DCDC2: variants seen among roughly 807,000 people sequenced by gnomAD.
The protein encoded by DCDC2 is doublecortin domain-containing protein 2.
In DCDC2, 40 loss-of-function variants were observed where a neutral mutation model predicts 50.2. That is an observed-to-expected ratio of 0.80 (90% CI 0.62 to 1.04). The LOEUF (loss-of-function observed/expected upper bound fraction) is 1.04. DCDC2 is among the 50% of genes least tolerant of loss of function. The probability of loss-of-function intolerance (pLI) is 0.00; values close to 1 mark genes in which losing one functional copy is unlikely to be tolerated. For synonymous variants in DCDC2, 234 were observed against 210.6 expected, an observed-to-expected ratio of 1.11 and a Z score of -0.96; for missense variants, 570 against 581.9, an observed-to-expected ratio of 0.98 and a Z score of 0.21.
intron 7 of DCDC2, among the ~76,000 whole-genome samples, chr6:24,271,224 A>AAAAAAG (rs919124775): frequency 4.2e-5 from 6 of 143,020 alleles, no homozygotes; most frequent in African/African-American, 1.6e-4. Flanking sequence ...AAAAAAAAAA[A>AAAAAAG]AGAGAGAGAG....
At chr6:24,347,690 G>T (rs941715114) in intron 2 of DCDC2, among the ~76,000 whole-genome samples, 2 of 152,172 alleles carry the variant, frequency 1.3e-5, no homozygotes, top group Non-Finnish European at 2.9e-5. Flanking sequence ...CCCTAGGACT[G>T]AGTATACTGA....
chr6:24,248,102 A>G (rs1763170026), intron 7 of DCDC2, among the ~76,000 whole-genome samples: 1 of 152,200 alleles, frequency 6.6e-6, no homozygotes, highest in South Asian at 2.1e-4. Context: ...CAAAAATAAA[A>G]AAAGAATGTT....
chr6:24,306,940 A>C (rs1759486139), intron 2 of DCDC2, among the ~76,000 whole-genome samples: 1 of 152,188 alleles, frequency 6.6e-6, no homozygotes, highest in Non-Finnish European at 1.5e-5. Flanking sequence ...TTCCTTTAAA[A>C]ACATATATTT....
At chr6:24,378,956 G>GAAAAAA in the DCDC2 span, among the ~76,000 whole-genome samples, 1 of 67,428 alleles carries the variant, frequency 1.5e-5, no homozygotes, top group Non-Finnish European at 2.8e-5. Context: ...GTCTCATTTG[G>GAAAAAA]AAAAAAAAAA....
At chr6:24,377,393 A>G in the DCDC2 span, among the ~76,000 whole-genome samples, 1 of 152,236 alleles carries the variant, frequency 6.6e-6, no homozygotes, top group African/African-American at 2.4e-5. Context: ...GAGATTCATT[A>G]TATTTCAAAA....
chr6:24,338,139 C>T (rs1760091664), intron 2 of DCDC2, among the ~76,000 whole-genome samples: 1 of 152,192 alleles, frequency 6.6e-6, no homozygotes. Context: ...TAATAACAAT[C>T]CCTACTTCAT....
At chr6:24,305,336 T>C (rs1446180915) in intron 2 of DCDC2, among the ~76,000 whole-genome samples, 1 of 152,240 alleles carries the variant, frequency 6.6e-6, no homozygotes, top group African/African-American at 2.4e-5. Flanking sequence ...CTTAAAGTTA[T>C]ATTTCCTTGA....
chr6:24,293,492 C>T (rs1032850316), intron 4 of DCDC2, among the ~76,000 whole-genome samples: 11 of 152,172 alleles, frequency 7.2e-5, no homozygotes, highest in African/African-American at 1.4e-4. Flanking sequence ...TTCACCTATC[C>T]TAAATATATA....
At chr6:24,355,304 A>T (rs1760445701) in intron 1 of DCDC2, among the ~76,000 whole-genome samples, 1 of 151,824 alleles carries the variant, frequency 6.6e-6, no homozygotes, top group South Asian at 2.1e-4. Context: ...AGTTGGTAGG[A>T]TCAAATAAAC....
At chr6:24,335,020 A>G (rs1561778938) in intron 2 of DCDC2, among the ~76,000 whole-genome samples, 2 of 152,198 alleles carry the variant, frequency 1.3e-5, no homozygotes, top group African/African-American at 4.8e-5. Context: ...GAGATTCCCA[A>G]GATTAAAAGA....
intron 6 of DCDC2, among the ~76,000 whole-genome samples, chr6:24,279,663 T>C (rs1763428281): frequency 1.3e-5 from 2 of 152,196 alleles, no homozygotes; most frequent in South Asian, 2.1e-4. Flanking sequence ...GTGCTAAACT[T>C]ACCTGAGAGT....
chr6:24,371,963 GAAACAAC>G, the DCDC2 span, among the ~76,000 whole-genome samples: 1 of 152,246 alleles, frequency 6.6e-6, no homozygotes, highest in East Asian at 1.9e-4. Context: ...CATTAAAAAG[GAAACAAC>G]AGGTGCTGGA....
At chr6:24,194,246 T>C (rs965395929) in intron 8 of DCDC2, among the ~76,000 whole-genome samples, 8 of 152,134 alleles carry the variant, frequency 5.3e-5, no homozygotes, top group Non-Finnish European at 8.8e-5. Context: ...TAAAAACTTG[T>C]ACAATTCTGA....
At chr6:24,214,571 CCTCTGAGTAGGTTTACCTAAACCAA>C (rs1474604281) in intron 7 of DCDC2, among the ~76,000 whole-genome samples, 3 of 152,104 alleles carry the variant, frequency 2.0e-5, no homozygotes, top group African/African-American at 7.2e-5. Flanking sequence ...TAATTAAGTA[CCTCTGAGTAGGTTTACCTAAACCAA>C]CAAGTGTATA....
chr6:24,375,155 C>T, the DCDC2 span, among the ~76,000 whole-genome samples: 1 of 152,200 alleles, frequency 6.6e-6, no homozygotes, highest in African/African-American at 2.4e-5. Context: ...CTACCACCCT[C>T]TCCCCTGCTG....
intron 7 of DCDC2, among the ~76,000 whole-genome samples, chr6:24,270,241 C>T (rs561898252): frequency 1.8e-4 from 28 of 152,282 alleles, no homozygotes; most frequent in African/African-American, 6.7e-4. Context: ...AGATCTTTGA[C>T]TCTGGGCAAA....
Position 24,357,613 on chromosome 6 carries a change from G to C in DCDC2, c.138C>G (p.Val46=). Residue 46 remains valine, a synonymous_variant, in exon 1 of 10, where the codon GTC becomes GTG. Coordinates refer to ENST00000378454, the MANE Select transcript of DCDC2 (RefSeq NM_016356.5). The part of the protein sequence containing the change: ...IHEKKVSSFE[V]FLKEVTGGVQ... Reference sequence around the variant, plus strand: ...CGCCGCCGGTCACCTCCTTCAGGAAGACTTCGAAGCTGGACACCTTCTTCT... The same window carrying C: ...CGCCGCCGGTCACCTCCTTCAGGAACACTTCGAAGCTGGACACCTTCTTCT... 1 of 1,613,524 alleles carries C rather than the reference G, an allele frequency of 6.2e-7. No homozygotes were observed. Among genetic ancestry groups the C allele is most frequent in the Non-Finnish European group, 8.5e-7 (1 of 1,180,048 alleles).
intron 7 of DCDC2, among the ~76,000 whole-genome samples, chr6:24,207,157 G>A (rs950950888): frequency 6.6e-6 from 1 of 151,982 alleles, no homozygotes; most frequent in Middle Eastern, 3.4e-3. Context: ...TAGAAAACTT[G>A]GAAGGTGAAA....
At chr6:24,283,432 TTC>T (rs1375437390) in intron 6 of DCDC2, among the ~76,000 whole-genome samples, 2 of 142,094 alleles carry the variant, frequency 1.4e-5, no homozygotes, top group African/African-American at 2.6e-5. Flanking sequence ...GGCAGCTGCT[TTC>T]TCTCTTTCTC....
Sources: gnomAD v4.1 joint callset for allele counts (sites outside exome capture counted in the v4.1 genomes callset) on GRCh38, gnomAD v4.1.1 for gene constraint, MANE v1.5 for transcripts, NCBI Gene and HGNC (gene_info 2026-07-23, HGNC 2026-07-21) for gene names.